LCORL: variants seen among roughly 807,000 people sequenced by gnomAD.
LCORL encodes the protein ligand dependent nuclear receptor corepressor like, also known as ligand-dependent nuclear receptor corepressor-like protein.
In LCORL, 41 loss-of-function variants were observed where a neutral mutation model predicts 141.8. That is an observed-to-expected ratio of 0.29 (90% CI 0.23 to 0.38). The LOEUF (loss-of-function observed/expected upper bound fraction) is 0.38, where lower values mean the gene tolerates loss of function less well. Among genes scored for constraint, LCORL ranks in the 10% least tolerant of loss-of-function variants. LCORL has a pLI of 1.00. For missense variants in LCORL, 1,759 were observed against 2,035.0 expected (o/e 0.86, Z 2.61); for synonymous variants, 618 against 694.1 (o/e 0.89, Z 1.72).
chr4:17,932,169 G>C (rs1010999501), intron 4 of LCORL, among the ~76,000 whole-genome samples: 1 of 152,080 alleles, frequency 6.6e-6, no homozygotes, highest in African/African-American at 2.4e-5. Context: ...TTTTAGGCAT[G>C]TCTTGTCAAT....
chr4:17,916,643 C>CTTTTTT (rs1057287592), intron 4 of LCORL, among the ~76,000 whole-genome samples: 1 of 113,134 alleles, frequency 8.8e-6, no homozygotes, highest in Admixed American at 9.6e-5. Context: ...AATTAAATGT[C>CTTTTTT]TTTTTTTTTT....
intron 1 of LCORL, among the ~76,000 whole-genome samples, chr4:18,017,575 A>C (rs1319754427): frequency 3.9e-5 from 6 of 152,132 alleles, no homozygotes; most frequent in Non-Finnish European, 8.8e-5. Flanking sequence ...AATCATGAGA[A>C]AGCAACAGAT....
intron 6 of LCORL, chr4:17,882,398 C>T (rs1727694639): frequency 1.0e-6 from 1 of 984,444 alleles, no homozygotes; most frequent in Admixed American, 6.2e-5. Flanking sequence ...CATTTTACCA[C>T]TACAGTTGCA....
intron 4 of LCORL, among the ~76,000 whole-genome samples, chr4:17,943,147 C>A (rs1265505164): frequency 6.6e-6 from 1 of 152,150 alleles, no homozygotes; most frequent in African/African-American, 2.4e-5. Flanking sequence ...AGTTTCAACA[C>A]CCCTGAGATG....
intron 6 of LCORL, among the ~76,000 whole-genome samples, chr4:17,878,498 A>G (rs1339196321): frequency 2.0e-5 from 3 of 151,446 alleles, no homozygotes; most frequent in African/African-American, 7.3e-5. Flanking sequence ...TTTTTAATGT[A>G]TTAAGAATAT....
At chr4:17,924,089 A>G (rs1454848003) in intron 4 of LCORL, among the ~76,000 whole-genome samples, 1 of 151,842 alleles carries the variant, frequency 6.6e-6, no homozygotes, top group Non-Finnish European at 1.5e-5. Flanking sequence ...ATGGTCATGG[A>G]CTTGGAAGAA....
intron 4 of LCORL, among the ~76,000 whole-genome samples, chr4:17,917,161 C>T (rs530021696): frequency 4.0e-5 from 6 of 151,600 alleles, no homozygotes; most frequent in South Asian, 4.2e-4. Flanking sequence ...TTTTAGTAGA[C>T]GGGGTTTCAC....
intron 7 of LCORL, among the ~76,000 whole-genome samples, chr4:17,858,522 C>T (rs981133962): frequency 2.0e-5 from 3 of 150,484 alleles, no homozygotes; most frequent in Non-Finnish European, 4.4e-5. Context: ...GTCAGGAGTT[C>T]GAGACCAGCC....
chr4:17,973,547 T>C (rs900898749), intron 1 of LCORL, among the ~76,000 whole-genome samples: 9 of 151,904 alleles, frequency 5.9e-5, no homozygotes, highest in East Asian at 1.9e-4. Context: ...CTGTAACATA[T>C]TTAATTTTAA....
chr4:17,954,638 G>A (rs1712206701), intron 4 of LCORL, among the ~76,000 whole-genome samples: 2 of 152,296 alleles, frequency 1.3e-5, no homozygotes, highest in African/African-American at 4.8e-5. Context: ...CTCCTTAGTA[G>A]TATAACCAGA....
intron 5 of LCORL, among the ~76,000 whole-genome samples, chr4:17,898,652 G>GTTT (rs34770223): frequency 1.4e-4 from 17 of 119,266 alleles, no homozygotes; most frequent in African/African-American, 4.0e-4. Context: ...CATTCTCACC[G>GTTT]TTTTTTTTTT....
intron 1 of LCORL, among the ~76,000 whole-genome samples, chr4:18,006,855 T>C (rs1011981486): frequency 2.7e-5 from 4 of 150,536 alleles, no homozygotes; most frequent in African/African-American, 7.5e-5. Context: ...ACATATATTA[T>C]TATATTATAT....
intron 6 of LCORL, chr4:17,880,304 T>G (rs1727393319): frequency 2.7e-6 from 1 of 369,378 alleles, no homozygotes; most frequent in Non-Finnish European, 3.7e-6. Context: ...AAGAAAAACC[T>G]AGTAATGAGT....
chr4:17,929,468 T>C (rs1735667767), intron 4 of LCORL, among the ~76,000 whole-genome samples: 1 of 152,176 alleles, frequency 6.6e-6, no homozygotes, highest in Non-Finnish European at 1.5e-5. Flanking sequence ...AACGCACTCA[T>C]ATACAGTTAA....
chr4:17,912,750 C>A, intron 4 of LCORL: 1 of 415,506 alleles, frequency 2.4e-6, no homozygotes, highest in South Asian at 1.9e-5. Flanking sequence ...CTGGCACAGA[C>A]CCGGGCAAAG....
At chr4:17,877,996 A>C in exon 7 of LCORL, 3 of 1,230,604 alleles carry the variant, frequency 2.4e-6, no homozygotes, top group Non-Finnish European at 2.0e-6. Context: ...AGACCACATA[A>C]ATCATCTTCG....
chr4:18,019,868 C>T (rs1725207225), intron 1 of LCORL, among the ~76,000 whole-genome samples: 1 of 152,102 alleles, frequency 6.6e-6, no homozygotes, highest in African/African-American at 2.4e-5. Context: ...TTTACATAAG[C>T]AATTATCAAA....
intron 4 of LCORL, among the ~76,000 whole-genome samples, chr4:17,933,042 T>G (rs914133436): frequency 6.6e-6 from 1 of 152,200 alleles, no homozygotes; most frequent in Admixed American, 6.5e-5. Flanking sequence ...GTTGAGAATT[T>G]TGATTTACCT....
At chr4:17,994,061 A>G (rs1249973622) in intron 1 of LCORL, among the ~76,000 whole-genome samples, 1 of 152,170 alleles carries the variant, frequency 6.6e-6, no homozygotes, top group Non-Finnish European at 1.5e-5. Context: ...TTTTGGTTGG[A>G]TATGTGGGGC....
Sources: allele counts gnomAD v4.1 joint callset (sites outside exome capture counted in the v4.1 genomes callset), GRCh38; gene constraint gnomAD v4.1.1; transcripts MANE v1.5; gene names NCBI Gene and HGNC (gene_info 2026-07-23, HGNC 2026-07-21).